Variants in PHLPP1 observed in about 807,000 individuals in gnomAD.
PHLPP1 encodes PH domain and leucine rich repeat protein phosphatase 1.
Under a neutral mutation model 117.2 loss-of-function variants are expected in PHLPP1, and 42 were observed. The observed-to-expected ratio is 0.36, with a 90% CI of 0.28 to 0.46. The LOEUF (loss-of-function observed/expected upper bound fraction) is 0.46. Among genes scored for constraint, PHLPP1 ranks in the 20% least tolerant of loss-of-function variants. PHLPP1 has a pLI of 1.00. For missense variants in PHLPP1, 2,084 were observed against 2,241.9 expected (o/e 0.93, Z 1.42); for synonymous variants, 1,042 against 970.7 (o/e 1.07, Z -1.37).
At chr18:62,757,908 G>A (rs747390598) in intron 1 of PHLPP1, among the ~76,000 whole-genome samples, 5 of 152,112 alleles carry the variant, frequency 3.3e-5, no homozygotes, top group African/African-American at 7.2e-5. Flanking sequence ...GTTTGTTTTC[G>A]TGAGCAAGGC....
At chr18:62,973,283 C>T (rs192036078) in intron 15 of PHLPP1, among the ~76,000 whole-genome samples, 14 of 152,358 alleles carry the variant, frequency 9.2e-5, no homozygotes, top group Admixed American at 6.5e-4. Flanking sequence ...TTGCCACCAG[C>T]AGCAGAGCTT....
Position 62,715,610 on chromosome 18 carries a change from C to T in PHLPP1, c.-74C>T, listed in dbSNP as rs1459349186. On this transcript the variant is annotated 5_prime_UTR_variant, in exon 1 of 17. Transcript: ENST00000262719. ...CTTCTCCGCGCGCCGCCGCCGTCTC[C>T]CACCTCCGCCTCATCGCCTCCCTCT... 2.9e-6 allele frequency: 3 copies of T among 1,045,236 alleles called. No individual in the cohort carries two copies. The highest frequency in any genetic ancestry group is 3.7e-6 in the Non-Finnish European group (3 of 812,516). The allele number at this position is 1,045,236 out of a possible 1,614,324, so 64.7% of individuals were successfully genotyped here. A position where few individuals can be genotyped will look rare whatever the true frequency, so the allele number is the denominator to read the frequency against.
intron 1 of PHLPP1, among the ~76,000 whole-genome samples, chr18:62,814,155 A>G (rs896263455): frequency 2.0e-5 from 3 of 152,208 alleles, no homozygotes; most frequent in Non-Finnish European, 4.4e-5. Context: ...GTAATTTGGG[A>G]GATATAAATA....
intron 1 of PHLPP1, among the ~76,000 whole-genome samples, chr18:62,752,546 G>A (rs141685034): frequency 6.6e-5 from 10 of 152,240 alleles, no homozygotes; most frequent in African/African-American, 1.7e-4. Flanking sequence ...GTTTTGTTTC[G>A]AGAGGCCAGT....
At position 62,899,092 on chromosome 18, in the gene PHLPP1, G is replaced by A. The variant is rs1208848113; in HGVS notation, c.2444+3081G>A. 4.6e-5 allele frequency among the ~76,000 whole-genome samples: 7 copies of A among 152,194 alleles called. No individual in the cohort carries two copies. In the East Asian group the frequency reaches 5.8e-4, roughly 13 times the overall value. On this transcript the variant is annotated intron_variant, in intron 6 of 16. Coordinates refer to ENST00000262719, the MANE Select transcript of PHLPP1 (RefSeq NM_194449.4). ...TGGGATTACAGCCATGAGCCACTGC[G>A]CCTGGCCTCAACTAATTTAGATGTT...
intron 1 of PHLPP1, among the ~76,000 whole-genome samples, chr18:62,782,719 A>G (rs1913153369): frequency 6.6e-6 from 1 of 152,174 alleles, no homozygotes; most frequent in Non-Finnish European, 1.5e-5. Context: ...GATAGGGATA[A>G]ATCTCCTATC....
At chr18:62,888,316 T>C (rs1449651542) in intron 4 of PHLPP1, among the ~76,000 whole-genome samples, 1 of 149,374 alleles carries the variant, frequency 6.7e-6, no homozygotes, top group Non-Finnish European at 1.5e-5. Flanking sequence ...TGTGTGTGTG[T>C]GTGTGTGTGT....
intron 2 of PHLPP1, among the ~76,000 whole-genome samples, chr18:62,831,818 A>C (rs1173303508): frequency 6.6e-6 from 1 of 152,078 alleles, no homozygotes; most frequent in Non-Finnish European, 1.5e-5. Flanking sequence ...TTTCCTCTCT[A>C]TTCTAGTTTC....
rs1387156009 is a variant in PHLPP1, at chr18:62,936,521, GA to G, written c.2961-5191del. On this transcript the variant is annotated intron_variant, in intron 10 of 16. Coordinates refer to ENST00000262719, the MANE Select transcript of PHLPP1 (RefSeq NM_194449.4). ...CTCCACACGTTATTTAATTACAAAA[GA>G]AAAAATTATTACTTTGCAGTGGAGA... 5.4e-4 allele frequency among the ~76,000 whole-genome samples: 82 copies of G among 152,124 alleles called. 2 individuals carry two copies. The highest frequency in any genetic ancestry group is 5.3e-3 in the Admixed American group (81 of 15,270).
At chr18:62,791,750 T>C (rs1913464994) in intron 1 of PHLPP1, among the ~76,000 whole-genome samples, 1 of 152,230 alleles carries the variant, frequency 6.6e-6, no homozygotes, top group Non-Finnish European at 1.5e-5. Flanking sequence ...GATATGACTT[T>C]AGACTTTTGT....
At chr18:62,977,895 T>C (rs1911238185) in intron 16 of PHLPP1, among the ~76,000 whole-genome samples, 1 of 152,250 alleles carries the variant, frequency 6.6e-6, no homozygotes, top group Non-Finnish European at 1.5e-5. Flanking sequence ...GGAGGGAAGA[T>C]GTAAACCCAT....
chr18:62,868,637 A>G (rs1038509339), intron 4 of PHLPP1, among the ~76,000 whole-genome samples: 6 of 151,992 alleles, frequency 3.9e-5, no homozygotes, highest in African/African-American at 4.8e-5. Flanking sequence ...AAAAAAAAAA[A>G]AAAGTTGTAT....
At chr18:62,744,325 A>G (rs1430438280) in intron 1 of PHLPP1, among the ~76,000 whole-genome samples, 3 of 152,222 alleles carry the variant, frequency 2.0e-5, no homozygotes, top group Admixed American at 2.0e-4. Flanking sequence ...GACTTAGAGG[A>G]ACAGAGATTA....
chr18:62,751,399 A>G (rs575421206), intron 1 of PHLPP1, among the ~76,000 whole-genome samples: 3 of 152,184 alleles, frequency 2.0e-5, no homozygotes, highest in African/African-American at 2.4e-5. Flanking sequence ...TTGTACTTCA[A>G]CTTCCTCCTG....
At chr18:62,725,892 G>T (rs145238360) in intron 1 of PHLPP1, among the ~76,000 whole-genome samples, 1 of 152,114 alleles carries the variant, frequency 6.6e-6, no homozygotes, top group South Asian at 2.1e-4. Flanking sequence ...AAAAAAATGC[G>T]TAAGTACACA....
intron 9 of PHLPP1, among the ~76,000 whole-genome samples, chr18:62,916,603 TGG>T (rs886540647): frequency 2.0e-5 from 3 of 146,980 alleles, no homozygotes; most frequent in African/African-American, 7.5e-5. Context: ...AACAAGAGGG[TGG>T]GTGTGTGTGT....
intron 12 of PHLPP1, among the ~76,000 whole-genome samples, chr18:62,954,895 T>C (rs1045202691): frequency 1.2e-4 from 18 of 152,162 alleles, no homozygotes; most frequent in Admixed American, 8.5e-4. Context: ...TGCCAGGCAA[T>C]CATTTGTTCA....
chr18:62,935,012 A>G (rs1434688049), intron 10 of PHLPP1, among the ~76,000 whole-genome samples: 2 of 152,200 alleles, frequency 1.3e-5, no homozygotes, highest in Admixed American at 6.5e-5. Context: ...ATTCAATATT[A>G]TATTAGATAT....
intron 1 of PHLPP1, among the ~76,000 whole-genome samples, chr18:62,746,802 A>T (rs1911688558): frequency 6.6e-6 from 1 of 151,198 alleles, no homozygotes; most frequent in Admixed American, 6.6e-5. Context: ...TAAATGGTGT[A>T]TTAAAACTAA....
Sources: gnomAD v4.1 joint callset for allele counts (sites outside exome capture counted in the v4.1 genomes callset) on GRCh38, gnomAD v4.1.1 for gene constraint, MANE v1.5 for transcripts, NCBI Gene and HGNC (gene_info 2026-07-23, HGNC 2026-07-21) for gene names.